Variants in PLA2G6 observed in about 807,000 individuals in gnomAD.
The protein encoded by PLA2G6 is 85/88 kDa calcium-independent phospholipase A2.
PLA2G6 carries 62 observed loss-of-function variants against 83.8 expected under a neutral mutation model. The observed-to-expected ratio is 0.74, with a 90% CI of 0.60 to 0.91. The LOEUF is 0.91. Ranked by LOEUF, PLA2G6 falls within the 40% of genes least tolerant of loss-of-function variation. The pLI, the probability that PLA2G6 is intolerant of heterozygous loss-of-function variation, is 0.00. For missense variants in PLA2G6, 944 were observed against 1,102.0 expected (o/e 0.86, Z 2.03); for synonymous variants, 417 against 449.8 (o/e 0.93, Z 0.92).
intron 7 of PLA2G6, chr22:38,131,474 C>T (rs1463425240): frequency 6.6e-6 from 1 of 151,932 alleles, no homozygotes; most frequent in Non-Finnish European, 1.5e-5. Context: ...TAAAGAAAAT[C>T]CAGATGATTA....
Position 38,120,658 on chromosome 22 carries a change from C to T in PLA2G6, c.1742+101G>A, listed in dbSNP as rs11570740. ...CCCTCTGCTCCCCTCAAGCGTGGGG[C>T]GCTCTTCCCCCTCCCTCAGCAGGAC... On this transcript the variant is annotated intron_variant, in intron 12 of 16. Coordinates refer to ENST00000332509, the MANE Select transcript of PLA2G6 (RefSeq NM_003560.4). The T allele has an allele frequency of 3.5e-4, 499 of 1,406,960 alleles. 2 individuals carry two copies. Among genetic ancestry groups the T allele is most frequent in the South Asian group, 2.5e-3 (214 of 86,886 alleles). The allele number at this position is 1,406,960 out of a possible 1,614,324, so 87.2% of individuals were successfully genotyped here.
chr22:38,155,891 G>A (rs530780966), intron 2 of PLA2G6, among the ~76,000 whole-genome samples: 4 of 152,256 alleles, frequency 2.6e-5, no homozygotes, highest in South Asian at 2.1e-4. Flanking sequence ...GTGGCAGAAC[G>A]GATAGAAAAA....
chr22:38,112,007 A>T lies in PLA2G6; in HGVS notation c.*154T>A. 1.2e-6 allele frequency: 1 copy of T among 843,978 alleles called. No individual in the cohort carries two copies. Among genetic ancestry groups the T allele is most frequent in the Non-Finnish European group, 1.9e-6 (1 of 523,262 alleles). 52.3% of individuals were successfully genotyped at this position (843,978 alleles called of 1,614,324 possible). A position where few individuals can be genotyped will look rare whatever the true frequency, so the allele number is the denominator to read the frequency against. ...TAGTGGGAGACAGGCCTTCAGGACC[A>T]GCCTCGGGCAGGCAGCTTGGCATTC... On this transcript the variant is annotated 3_prime_UTR_variant, in exon 17 of 17. Coordinates refer to ENST00000332509, the MANE Select transcript of PLA2G6 (RefSeq NM_003560.4).
At chr22:38,116,410 C>T (rs1274537193) in intron 12 of PLA2G6, 199 bp from the exon 13 acceptor site, 1 of 729,096 alleles carries the variant, frequency 1.4e-6, no homozygotes, top group East Asian at 2.7e-5. Flanking sequence ...ATTGGTCCAA[C>T]CTTGGGGGCA....
intron 15 of PLA2G6, 113 bp from the exon 16 acceptor site, chr22:38,112,690 C>T (rs1235988164): frequency 2.5e-5 from 22 of 879,332 alleles, no homozygotes; most frequent in Non-Finnish European, 3.5e-5. Flanking sequence ...CAGGCTCTTT[C>T]GAGTCAGGCT....
chr22:38,133,172 G>C (rs941399465), intron 6 of PLA2G6, 159 bp from the exon 7 acceptor site: 20 of 710,200 alleles, frequency 2.8e-5, no homozygotes, highest in Non-Finnish European at 4.1e-5. Context: ...CAGTTCTAGG[G>C]GGGCCTAGAC....
intron 7 of PLA2G6, chr22:38,131,900 A>G: frequency 3.0e-6 from 1 of 330,374 alleles, no homozygotes; most frequent in Non-Finnish European, 6.0e-6. Context: ...CAGCCTGGCC[A>G]ACACAGGAGT....
intron 7 of PLA2G6, chr22:38,131,270 C>A (rs1383228855): frequency 6.6e-6 from 1 of 152,174 alleles, no homozygotes; most frequent in Non-Finnish European, 1.5e-5. Context: ...GGTGATCTGA[C>A]CATCTTGGCC....
At position 38,132,858 on chromosome 22, in the gene PLA2G6, GC is replaced by G; in HGVS notation, c.1049del (p.Gly350AlafsTer16). On this transcript the variant is annotated frameshift_variant, in exon 7 of 17. Transcript: ENST00000332509. LOFTEE classifies it high-confidence loss of function. This position sits in a 1 kb window ranked among gnomAD's most constrained non-coding sequence, Gnocchi z 5.0. ...GANADARGEH[G>X]NTPLHLAMSK... is the part of the protein sequence containing the mutation. ...ACATGGCCAGGTGCAGCGGGGTGTTGCCGTGCTCTCCGCGGGCATCCGCGTT... is the reference window on the plus strand; with the variant it reads ...ACATGGCCAGGTGCAGCGGGGTGTTGCGTGCTCTCCGCGGGCATCCGCGTT... The G allele has an allele frequency of 6.4e-7, 1 of 1,550,974 alleles. No individual in the cohort carries two copies. Among genetic ancestry groups the G allele is most frequent in the Non-Finnish European group, 8.7e-7 (1 of 1,148,918 alleles).
Position 38,132,782 on chromosome 22 carries a change from G to T in PLA2G6, c.1077+49C>A. The T allele has an allele frequency of 6.7e-7, 1 of 1,493,430 alleles. No individual in the cohort carries two copies. The highest frequency in any genetic ancestry group is 9.0e-7 in the Non-Finnish European group (1 of 1,108,652). 92.5% of individuals were successfully genotyped at this position (1,493,430 alleles called of 1,614,324 possible). ...GGGCTCCAGTCCGGACAGCCCTCCTGCATTCCCACCGGGGCCCCACAGGGC... is the reference window on the plus strand; with the variant it reads ...GGGCTCCAGTCCGGACAGCCCTCCTTCATTCCCACCGGGGCCCCACAGGGC... On this transcript the variant is annotated intron_variant, in intron 7 of 16. Transcript: ENST00000332509. This position sits in a 1 kb window ranked among gnomAD's most constrained non-coding sequence, Gnocchi z 5.0.
intron 11 of PLA2G6, among the ~76,000 whole-genome samples, chr22:38,121,388 G>A (rs536098367): frequency 2.6e-5 from 4 of 152,264 alleles, no homozygotes; most frequent in East Asian, 1.9e-4. Context: ...GAAGCCCCAC[G>A]GCTCTGCACT....
At chr22:38,126,604 ACT>A (rs2087875985) in intron 9 of PLA2G6, 155 bp from the exon 10 acceptor site, 1 of 670,870 alleles carries the variant, frequency 1.5e-6, no homozygotes. Flanking sequence ...CACAGGAAGG[ACT>A]CTGTCCCAGG....
At chr22:38,140,220 T>C (rs2088817882) in intron 4 of PLA2G6, 51 bp from the exon 5 acceptor site, 1 of 1,571,592 alleles carries the variant, frequency 6.4e-7, no homozygotes, top group South Asian at 1.1e-5. Context: ...GATAAGAACG[T>C]AAAGAGGCCG....
In PLA2G6 at chr22:38,116,171, C is replaced by T; in HGVS notation, c.1783G>A (p.Glu595Lys). ...TGTLSDRQPA[E>K]LHLFRNYDAP... ...TCGTAGTTCCGGAAGAGGTGGAGTT[C>T]AGCCGGCTGCCGGTCAGACAGTGTC... is the stretch of plus-strand genomic sequence containing the variant. Residue 595 changes from glutamate to lysine, a missense_variant, in exon 13 of 17, where the codon GAA becomes AAA. By Grantham distance (56) the Glu-to-Lys change is moderately conservative (BLOSUM62 1). Coordinates refer to ENST00000332509, the MANE Select transcript of PLA2G6 (RefSeq NM_003560.4). 1 of 1,613,928 alleles carries T rather than the reference C, an allele frequency of 6.2e-7. No homozygotes were observed. The highest frequency in any genetic ancestry group is 2.2e-5 in the East Asian group (1 of 44,880).
At position 38,145,572 on chromosome 22, in the gene PLA2G6, G is replaced by A. The variant is rs771416825; in HGVS notation, c.291C>T (p.Ser97=). 6.2e-7 allele frequency: 1 copy of A among 1,613,826 alleles called. No individual in the cohort carries two copies. The highest frequency in any genetic ancestry group is 8.5e-7 in the Non-Finnish European group (1 of 1,179,796). Reference sequence around the variant, plus strand: ...CCTCAGTGTGCAGGACCTGAGGGGAGCTCTCATAGAAGGGTAGCAGCTGGG... The same window carrying A: ...CCTCAGTGTGCAGGACCTGAGGGGAACTCTCATAGAAGGGTAGCAGCTGGG... ...YSSQLLPFYE[S]SPQVLHTEVL... The change falls in exon 3 of 17, where the codon AGC becomes AGT. Residue 97 remains serine (S), a synonymous_variant. Transcript: ENST00000332509.
At chr22:38,116,324 G>T in intron 12 of PLA2G6, 113 bp from the exon 13 acceptor site, 2 of 1,173,428 alleles carry the variant, frequency 1.7e-6, no homozygotes, top group Non-Finnish European at 2.5e-6. Context: ...TCCAACCTCT[G>T]TTCGGGATAG....
At chr22:38,116,012 C>T (rs1409441001) in intron 13 of PLA2G6, 63 bp downstream of exon 13, 11 of 1,588,380 alleles carry the variant, frequency 6.9e-6, no homozygotes, top group Non-Finnish European at 3.5e-6. Context: ...ACGACTCCCA[C>T]CCACCACCCC....
chr22:38,181,351 G>A (rs370684939), intron 1 of PLA2G6, among the ~76,000 whole-genome samples: 1 of 152,216 alleles, frequency 6.6e-6, no homozygotes, highest in East Asian at 1.9e-4. Context: ...CGGACGTGAA[G>A]TGGGGAATCA....
In PLA2G6 at chr22:38,169,249, C is replaced by G. The variant is rs752255653; in HGVS notation, c.178G>C (p.Val60Leu). Residue 60 changes from valine (V) to leucine (L), a missense_variant, in exon 2 of 17, where the codon GTC (valine) becomes CTC (leucine). Coordinates refer to ENST00000332509, the MANE Select transcript of PLA2G6 (RefSeq NM_003560.4). ...TPNRTWDCVL[V>L]NPRNSQSGFR... is the part of the protein sequence containing the mutation. ...CCACTCTGTGAGTTCCTGGGGTTGACCAGGACGCAGTCCCAGGTGCGGTTG... is the reference window on the plus strand; with the variant it reads ...CCACTCTGTGAGTTCCTGGGGTTGAGCAGGACGCAGTCCCAGGTGCGGTTG... 1 of 1,614,102 alleles carries G rather than the reference C, an allele frequency of 6.2e-7. No homozygotes were observed. The highest frequency in any genetic ancestry group is 1.7e-5 in the Admixed American group (1 of 60,026).
Sources: gnomAD v4.1 joint callset for allele counts (sites outside exome capture counted in the v4.1 genomes callset) on GRCh38, gnomAD v4.1.1 for gene constraint, Gnocchi (gnomAD v3.1) non-coding constraint, MANE v1.5 for transcripts, NCBI Gene and HGNC (gene_info 2026-07-23, HGNC 2026-07-21) for gene names.